Variants in PNRC2 observed in about 807,000 individuals in gnomAD.
PNRC2 encodes the protein proline rich nuclear receptor coactivator 2.
In PNRC2, 2 loss-of-function variants were observed where a neutral mutation model predicts 12.2. The ratio of observed to expected loss-of-function variants is 0.16; its 90% CI spans 0.07 to 0.52. The LOEUF (loss-of-function observed/expected upper bound fraction) is 0.52. Among genes scored for constraint, PNRC2 ranks in the 20% least tolerant of loss-of-function variants. The pLI is 0.95. For synonymous variants in PNRC2, 44 were observed against 53.9 expected, an observed-to-expected ratio of 0.82 and a Z score of 0.80; for missense variants, 115 against 158.4, an observed-to-expected ratio of 0.73 and a Z score of 1.47.
Position 23,961,760 on chromosome 1 carries a change from G to A in PNRC2, c.303G>A (p.Pro101=), listed in dbSNP as rs1022929675. Residue 101 remains proline (P), a synonymous_variant, in exon 3 of 3, where the codon CCG becomes CCA. Coordinates refer to ENST00000334351, the MANE Select transcript of PNRC2 (RefSeq NM_017761.4). ...ATGCTGGTGCCAAATTTAGTGAGCC[G>A]CCATCACCAAGTGTTCTTCCCAAAC... is the stretch of plus-strand genomic sequence containing the variant. The part of the protein sequence containing the change: ...QNYAGAKFSE[P]PSPSVLPKPP... 1.4e-5 allele frequency: 22 copies of A among 1,613,674 alleles called. No individual in the cohort carries two copies. The highest frequency in any genetic ancestry group is 1.6e-5 in the Non-Finnish European group (19 of 1,179,772).
chr1:23,960,596 G>A (rs1300952214), intron 1 of PNRC2, among the ~76,000 whole-genome samples: 2 of 152,198 alleles, frequency 1.3e-5, no homozygotes, highest in Non-Finnish European at 2.9e-5. Context: ...TCCGCCTGAA[G>A]CCAATTTTTT....
upstream of PNRC2, among the ~76,000 whole-genome samples, chr1:23,959,437 G>A (rs1641235051): frequency 6.6e-6 from 1 of 152,198 alleles, no homozygotes; most frequent in South Asian, 2.1e-4. Context: ...CAGGCTACAG[G>A]ACTCAGTGGC....
In PNRC2 at chr1:23,961,052, A is replaced by T. The variant is rs1641267586; in HGVS notation, c.-101A>T. 4.9e-6 allele frequency: 2 copies of T among 407,290 alleles called. No individual in the cohort carries two copies. Among genetic ancestry groups the T allele is most frequent in the Non-Finnish European group, 8.7e-6 (2 of 230,588 alleles). 25.2% of individuals were successfully genotyped at this position (407,290 alleles called of 1,614,324 possible). ...GAGACAAAGGAAGGGATCTGTCAGA[A>T]AGCAACACTTGTTATCTTGGGCTTG... On this transcript the variant is annotated 5_prime_UTR_variant, in exon 2 of 3. The change creates a premature stop within an existing upstream ORF in the 5' untranslated region. Transcript: ENST00000334351.
chr1:23,960,278 C>A (rs1641251718), intron 1 of PNRC2, among the ~76,000 whole-genome samples: 1 of 152,128 alleles, frequency 6.6e-6, no homozygotes, highest in African/African-American at 2.4e-5. Context: ...TTGGAAAGCT[C>A]TCTTACCCCT....
At chr1:23,960,495 A>G (rs1557550960) in intron 1 of PNRC2, among the ~76,000 whole-genome samples, 4 of 152,218 alleles carry the variant, frequency 2.6e-5, no homozygotes, top group East Asian at 1.9e-4. Flanking sequence ...CGTGATGTCT[A>G]CATGTTCCAA....
In PNRC2 at chr1:23,961,677, T is replaced by G. The variant is rs1347808272; in HGVS notation, c.220T>G (p.Trp74Gly). The part of the protein sequence containing the change: ...KNKNFPNNQS[W>G]NSSLSGPRLL... Reference sequence around the variant, plus strand: ...CAAAAATTTTCCAAATAATCAAAGTTGGAATTCTAGCTTATCAGGTCCCAG... The same window carrying G: ...CAAAAATTTTCCAAATAATCAAAGTGGGAATTCTAGCTTATCAGGTCCCAG... Residue 74 changes from tryptophan to glycine, a missense_variant, in exon 3 of 3, where the codon TGG becomes GGG. Trp to Gly is a radical substitution (Grantham distance 184, BLOSUM62 -2). This residue lies in a region of PNRC2 where 98 missense variants were observed against 112.4 expected (regional missense o/e 0.87). Coordinates refer to ENST00000334351, the MANE Select transcript of PNRC2 (RefSeq NM_017761.4). 11 of 1,613,846 alleles carry G rather than the reference T, an allele frequency of 6.8e-6. No homozygotes were observed. In the Admixed American group the frequency reaches 1.8e-4, roughly 27 times the overall value.
In PNRC2 at chr1:23,963,066, A is replaced by G. The variant is rs1346990914; in HGVS notation, c.*1189A>G. The G allele has an allele frequency of 6.0e-6, 1 of 167,000 alleles. No homozygotes were observed. The highest frequency in any genetic ancestry group is 1.5e-5 in the Non-Finnish European group (1 of 68,052). 10.3% of individuals were successfully genotyped at this position (167,000 alleles called of 1,614,324 possible). A position where few individuals can be genotyped will look rare whatever the true frequency, so the allele number is the denominator to read the frequency against. On this transcript the variant is annotated 3_prime_UTR_variant, in exon 3 of 3. Transcript: ENST00000334351. ...ACCTAGGATACAGGTAGTTTCGAGT[A>G]TGGTGCCAGTGATGTTTTGTTTTTG... is the stretch of plus-strand genomic sequence containing the variant.
chr1:23,959,923 GTC>G lies in PNRC2; in HGVS notation c.-295_-294del, dbSNP rs1641244136. 1 of 152,280 alleles carries G rather than the reference GTC, an allele frequency of 6.6e-6. No homozygotes were observed. Among genetic ancestry groups the G allele is most frequent in the Non-Finnish European group, 1.5e-5 (1 of 68,068 alleles). The allele number at this position is 152,280 out of a possible 1,614,324, so 9.4% of individuals were successfully genotyped here. ...CGTGGGCTTTGTCGGTCCGTGCCTC[GTC>G]TCTCCCTGGAAAGGGAGGGAGGCTT... On this transcript the variant is annotated 5_prime_UTR_variant, in exon 1 of 3. Coordinates refer to ENST00000334351, the MANE Select transcript of PNRC2 (RefSeq NM_017761.4).
intron 2 of PNRC2, 73 bp downstream of exon 2, chr1:23,961,207 T>G (rs1173725486): frequency 2.2e-6 from 1 of 448,102 alleles, no homozygotes; most frequent in Non-Finnish European, 4.0e-6. Context: ...TAAAATAGAT[T>G]ATGTAGATTT....
chr1:23,959,359 G>T (rs1265392510), upstream of PNRC2: 3 of 152,242 alleles, frequency 2.0e-5, no homozygotes, highest in Non-Finnish European at 4.4e-5. Context: ...CCCAGAAGCC[G>T]AGGCCCGAGG....
At chr1:23,959,564 C>G (rs1449833651), upstream of PNRC2, among the ~76,000 whole-genome samples, 5 of 150,436 alleles carry the variant, frequency 3.3e-5, no homozygotes, top group Admixed American at 6.6e-5. Context: ...GAGCTAGCGG[C>G]CGGGGCCTCG....
chr1:23,962,062 T>C lies in PNRC2; in HGVS notation c.*185T>C, dbSNP rs919081977. The C allele has an allele frequency of 1.3e-5, 7 of 526,542 alleles. No individual in the cohort carries two copies. The highest frequency in any genetic ancestry group is 9.6e-5 in the African/African-American group (5 of 52,352). The allele number at this position is 526,542 out of a possible 1,614,324, so 32.6% of individuals were successfully genotyped here. ...CTTAAACTAATGATTGTACTTGATATTAAGTGTTCTCAACTGAGTAACTTT... is the reference window on the plus strand; with the variant it reads ...CTTAAACTAATGATTGTACTTGATACTAAGTGTTCTCAACTGAGTAACTTT... On this transcript the variant is annotated 3_prime_UTR_variant, in exon 3 of 3. Coordinates refer to ENST00000334351, the MANE Select transcript of PNRC2 (RefSeq NM_017761.4).
intron 1 of PNRC2, 121 bp from the exon 2 acceptor site, chr1:23,960,808 A>G (rs1388452791): frequency 5.1e-6 from 2 of 393,064 alleles, no homozygotes; most frequent in East Asian, 7.2e-5. Context: ...TCTTACGAGA[A>G]ATTTTCTACC....
At chr1:23,959,632 G>A (rs917036514), upstream of PNRC2, among the ~76,000 whole-genome samples, 4 of 152,182 alleles carry the variant, frequency 2.6e-5, no homozygotes, top group East Asian at 7.7e-4. Flanking sequence ...GGTGGACCGA[G>A]CAGTTACTCC....
At chr1:23,961,320 C>T in intron 2 of PNRC2, 120 bp from the exon 3 acceptor site, 1 of 628,764 alleles carries the variant, frequency 1.6e-6, no homozygotes, top group Non-Finnish European at 2.6e-6. Flanking sequence ...GCTGAATAGC[C>T]TGTTATTGAG....
intron 1 of PNRC2, among the ~76,000 whole-genome samples, 158 bp downstream of exon 1, chr1:23,960,156 G>C (rs1641249025): frequency 6.6e-6 from 1 of 152,198 alleles, no homozygotes; most frequent in Admixed American, 6.5e-5. Context: ...CCGGAGAGAT[G>C]GGGCCACTGG....
chr1:23,961,477 A>G lies in PNRC2; in HGVS notation c.20A>G (p.Tyr7Cys), dbSNP rs1641275729. 8 of 1,609,598 alleles carry G rather than the reference A, an allele frequency of 5.0e-6. No homozygotes were observed. The highest frequency in any genetic ancestry group is 2.2e-5 in the East Asian group (1 of 44,848). MGGGERYNIPAPQSRNV... is the reference protein window; with the variant it reads MGGGERCNIPAPQSRNV... ...CTGAAGATGGGTGGTGGAGAGAGGT[A>G]TAACATTCCAGCCCCTCAATCTAGA... The change falls in exon 3 of 3, where the codon TAT (tyrosine) becomes TGT (cysteine). Residue 7 changes from tyrosine (Y) to cysteine (C), a missense_variant. Coordinates refer to ENST00000334351, the MANE Select transcript of PNRC2 (RefSeq NM_017761.4).
At chr1:23,960,691 C>G (rs1049420391) in intron 1 of PNRC2, among the ~76,000 whole-genome samples, 20 of 152,126 alleles carry the variant, frequency 1.3e-4, no homozygotes, top group African/African-American at 4.3e-4. Flanking sequence ...AAAGATAAAA[C>G]TTATTGCGGG....
chr1:23,961,673 A>G lies in PNRC2; in HGVS notation c.216A>G (p.Gln72=), dbSNP rs1257066782. 3 of 1,613,708 alleles carry G rather than the reference A, an allele frequency of 1.9e-6. No homozygotes were observed. Among genetic ancestry groups the G allele is most frequent in the Admixed American group, 3.3e-5 (2 of 60,018 alleles). Residue 72 remains glutamine, a synonymous_variant, in exon 3 of 3, where the codon CAA becomes CAG. Coordinates refer to ENST00000334351, the MANE Select transcript of PNRC2 (RefSeq NM_017761.4). ...GGKNKNFPNN[Q]SWNSSLSGPR... is the part of the protein sequence containing the mutation. The stretch of plus-strand genomic sequence containing the variant: ...AGAACAAAAATTTTCCAAATAATCA[A>G]AGTTGGAATTCTAGCTTATCAGGTC...
Sources: allele counts gnomAD v4.1 joint callset (sites outside exome capture counted in the v4.1 genomes callset), GRCh38; gene constraint gnomAD v4.1.1; regional missense constraint gnomAD v4.1.1; transcripts MANE v1.5; gene names NCBI Gene and HGNC (gene_info 2026-07-23, HGNC 2026-07-21).